Variants in AGMO observed in about 807,000 individuals in gnomAD.
The protein encoded by AGMO is glyceryl-ether monooxygenase.
A neutral mutation model predicts 60.2 loss-of-function variants in AGMO; 75 were observed. The observed-to-expected ratio is 1.25, with a 90% confidence interval of 1.03 to 1.51. The LOEUF (loss-of-function observed/expected upper bound fraction) is 1.51. Ranked by LOEUF, AGMO falls within the 40% of genes most tolerant of loss-of-function variation. The probability of loss-of-function intolerance (pLI) is 0.00; values close to 1 mark genes in which losing one functional copy is unlikely to be tolerated. For missense variants in AGMO, 763 were observed against 525.5 expected (o/e 1.45, Z -4.42); for synonymous variants, 261 against 177.1 (o/e 1.47, Z -3.76).
intron 12 of AGMO, among the ~76,000 whole-genome samples, chr7:15,210,263 T>G (rs998606751): frequency 6.6e-6 from 1 of 152,164 alleles, no homozygotes; most frequent in Admixed American, 6.6e-5. Context: ...CATTACCATT[T>G]GCATTACATT....
chr7:15,509,314 A>G (rs1240361993), intron 3 of AGMO, among the ~76,000 whole-genome samples: 1 of 152,044 alleles, frequency 6.6e-6, no homozygotes, highest in African/African-American at 2.4e-5. Context: ...AAAATACACA[A>G]TGGGGAAAGA....
intron 12 of AGMO, among the ~76,000 whole-genome samples, chr7:15,202,979 T>TA (rs1781342686): frequency 6.6e-6 from 1 of 152,100 alleles, no homozygotes; most frequent in South Asian, 2.1e-4. Flanking sequence ...AATATCAGAG[T>TA]AAATAATTTA....
intron 10 of AGMO, among the ~76,000 whole-genome samples, chr7:15,378,191 G>A (rs532997319): frequency 3.0e-4 from 46 of 152,030 alleles, no homozygotes; most frequent in Non-Finnish European, 6.2e-4. Context: ...ATGTTTCCCT[G>A]TGGCTTTTTA....
chr7:15,313,762 C>T (rs548519872), intron 12 of AGMO, among the ~76,000 whole-genome samples: 78 of 152,030 alleles, frequency 5.1e-4, no homozygotes, highest in African/African-American at 1.6e-3. Flanking sequence ...CACATACATG[C>T]CTATGATAAA....
intron 3 of AGMO, among the ~76,000 whole-genome samples, chr7:15,511,670 T>C (rs534054672): frequency 1.3e-5 from 2 of 152,212 alleles, no homozygotes; most frequent in Non-Finnish European, 2.9e-5. Context: ...TGTGAGGTAA[T>C]GCACACGCTG....
intron 12 of AGMO, among the ~76,000 whole-genome samples, chr7:15,273,368 C>A (rs1262036627): frequency 2.0e-5 from 3 of 152,122 alleles, no homozygotes; most frequent in Admixed American, 2.0e-4. Flanking sequence ...TTCCCAGCAC[C>A]ATTTATTAAA....
At chr7:15,304,951 T>G (rs942005160) in intron 12 of AGMO, among the ~76,000 whole-genome samples, 6 of 151,934 alleles carry the variant, frequency 3.9e-5, no homozygotes, top group African/African-American at 1.4e-4. Flanking sequence ...TTCTCTTGCT[T>G]CCCCCTTCCC....
At chr7:15,225,794 C>T (rs1279106468) in intron 12 of AGMO, among the ~76,000 whole-genome samples, 2 of 151,822 alleles carry the variant, frequency 1.3e-5, no homozygotes, top group Non-Finnish European at 2.9e-5. Context: ...CAAGCTCAGA[C>T]ATAGTAAACA....
chr7:15,188,210 G>A, the AGMO span, among the ~76,000 whole-genome samples: 1 of 152,160 alleles, frequency 6.6e-6, no homozygotes, highest in East Asian at 1.9e-4. Flanking sequence ...CAGTTGCCAG[G>A]AGGTCCAGGT....
At chr7:15,383,946 G>A (rs563703052) in intron 10 of AGMO, among the ~76,000 whole-genome samples, 19 of 148,068 alleles carry the variant, frequency 1.3e-4, no homozygotes, top group Non-Finnish European at 2.5e-4. Context: ...TTTTTTTTTC[G>A]TTTGTTTGAG....
intron 3 of AGMO, among the ~76,000 whole-genome samples, chr7:15,531,885 T>C (rs958437221): frequency 6.6e-6 from 1 of 151,688 alleles, no homozygotes; most frequent in African/African-American, 2.4e-5. Context: ...GCCAAGCTGG[T>C]CTCGAACTCT....
chr7:15,144,978 C>T, the AGMO span, among the ~76,000 whole-genome samples: 4 of 152,104 alleles, frequency 2.6e-5, no homozygotes, highest in Non-Finnish European at 1.5e-5. Context: ...TACAGGCGCC[C>T]GCCGCCACGC....
intron 12 of AGMO, among the ~76,000 whole-genome samples, chr7:15,256,840 T>G (rs1205580083): frequency 6.6e-6 from 1 of 152,204 alleles, no homozygotes; most frequent in Admixed American, 6.5e-5. Flanking sequence ...CACTCTATGA[T>G]GTTCACCAAC....
At chr7:15,412,005 T>C (rs1018132646) in intron 5 of AGMO, among the ~76,000 whole-genome samples, 5 of 152,136 alleles carry the variant, frequency 3.3e-5, no homozygotes, top group African/African-American at 1.2e-4. Flanking sequence ...AGAAGTCAGA[T>C]CTTCTAAGTC....
intron 9 of AGMO, among the ~76,000 whole-genome samples, 159 bp downstream of exon 9, chr7:15,387,247 G>C (rs140267712): frequency 6.6e-6 from 1 of 152,302 alleles, no homozygotes; most frequent in East Asian, 1.9e-4. Context: ...CACAAAGTTG[G>C]TGGATACTCA....
intron 12 of AGMO, among the ~76,000 whole-genome samples, chr7:15,239,474 T>C: frequency 6.6e-6 from 1 of 152,136 alleles, no homozygotes; most frequent in East Asian, 1.9e-4. Context: ...CATGTTACCA[T>C]ATATAGCAAT....
chr7:15,288,169 G>A (rs1176159171), intron 12 of AGMO, among the ~76,000 whole-genome samples: 4 of 151,672 alleles, frequency 2.6e-5, no homozygotes, highest in African/African-American at 7.3e-5. Flanking sequence ...GACCACAGGC[G>A]CCCAGCACCA....
At position 15,303,448 on chromosome 7, in the gene AGMO, A is replaced by G. The variant is rs187652334; in HGVS notation, c.1263+62066T>C. ...GAATGGAAAAACAGAAAAAAAAAAG[A>G]GAGAGAAGGGGTGGTGAACATCTGG... On this transcript the variant is annotated intron_variant, in intron 12 of 12. Coordinates refer to ENST00000342526, the MANE Select transcript of AGMO (RefSeq NM_001004320.2). 1.1e-3 allele frequency among the ~76,000 whole-genome samples: 153 copies of G among 145,168 alleles called. 1 individual carries two copies. The Middle Eastern group carries it at 0.015, about 14-fold the overall frequency.
chr7:15,124,045 A>G, the AGMO span, among the ~76,000 whole-genome samples: 1 of 152,082 alleles, frequency 6.6e-6, no homozygotes, highest in African/African-American at 2.4e-5. Context: ...TGTGGTTTTT[A>G]TGATATTTAG....
Sources: allele counts gnomAD v4.1 joint callset (sites outside exome capture counted in the v4.1 genomes callset), GRCh38; gene constraint gnomAD v4.1.1; transcripts MANE v1.5; gene names NCBI Gene and HGNC (gene_info 2026-07-23, HGNC 2026-07-21).